The following CSMD1 variants were observed in gnomAD, a reference collection of about 807,000 sequenced individuals.
CSMD1 encodes CUB and Sushi multiple domains 1.
CSMD1 carries 213 observed loss-of-function variants against 417.5 expected under a neutral mutation model. The ratio of observed to expected loss-of-function variants is 0.51; its 90% CI spans 0.46 to 0.57. The LOEUF is 0.57. CSMD1 is among the 20% of genes least tolerant of loss of function. The pLI, the probability that CSMD1 is intolerant of heterozygous loss-of-function variation, is 0.00. For synonymous variants in CSMD1, 2,862 were observed against 1,736.8 expected (o/e 1.65, Z -16.11); for missense variants, 6,923 against 4,529.7 (o/e 1.53, Z -15.17).
chr8:3,310,507 A>G (rs58202270), intron 23 of CSMD1, among the ~76,000 whole-genome samples: 2,828 of 152,280 alleles, frequency 0.019, 89 homozygotes, highest in African/African-American at 0.064. Context: ...ATAACAAACA[A>G]TCTTCCAAAA....
intron 3 of CSMD1, among the ~76,000 whole-genome samples, chr8:4,134,337 G>T (rs1362138807): frequency 2.6e-5 from 4 of 152,078 alleles, no homozygotes; most frequent in Non-Finnish European, 4.4e-5. Context: ...CTTTAAGGTG[G>T]GTCCTCATCC....
At chr8:3,845,095 T>G (rs953066773) in intron 5 of CSMD1, among the ~76,000 whole-genome samples, 1 of 152,222 alleles carries the variant, frequency 6.6e-6, no homozygotes, top group Non-Finnish European at 1.5e-5. Context: ...ATACATATAT[T>G]TAGAAGCAAG....
At chr8:3,814,486 G>A (rs1170682888) in intron 5 of CSMD1, among the ~76,000 whole-genome samples, 1 of 152,170 alleles carries the variant, frequency 6.6e-6, no homozygotes, top group Non-Finnish European at 1.5e-5. Context: ...GCTTTCAACT[G>A]TGGCCGAATT....
intron 2 of CSMD1, among the ~76,000 whole-genome samples, chr8:4,457,451 G>C (rs765861263): frequency 6.6e-6 from 1 of 152,024 alleles, no homozygotes; most frequent in East Asian, 1.9e-4. Flanking sequence ...ATAATGCATT[G>C]AAAAGTCTTG....
chr8:4,827,214 C>T (rs887044907), intron 1 of CSMD1, among the ~76,000 whole-genome samples: 1 of 152,050 alleles, frequency 6.6e-6, no homozygotes, highest in Non-Finnish European at 1.5e-5. Flanking sequence ...AATGTATCTG[C>T]TTTTATTATT....
chr8:4,122,124 G>C (rs955710234), intron 3 of CSMD1, among the ~76,000 whole-genome samples: 1 of 151,942 alleles, frequency 6.6e-6, no homozygotes, highest in Non-Finnish European at 1.5e-5. Context: ...GGATATCAGA[G>C]ATACTTACTA....
rs562087852 is a variant in CSMD1, at chr8:3,155,133, A to T, written c.5914+2764T>A. On this transcript the variant is annotated intron_variant, in intron 39 of 69. Coordinates refer to ENST00000635120, the MANE Select transcript of CSMD1 (RefSeq NM_033225.6). Reference sequence around the variant, plus strand: ...TATAAGTTAATTCTTTGAATAAAACATCCCATTATGTAATACAAAGTGACA... The same window carrying T: ...TATAAGTTAATTCTTTGAATAAAACTTCCCATTATGTAATACAAAGTGACA... 2.0e-5 allele frequency among the ~76,000 whole-genome samples: 3 copies of T among 152,208 alleles called. No homozygotes were observed. The South Asian group carries it at 6.2e-4, about 32-fold the overall frequency.
chr8:4,118,138 T>C (rs1033659468), intron 3 of CSMD1, among the ~76,000 whole-genome samples: 14 of 152,096 alleles, frequency 9.2e-5, no homozygotes, highest in Admixed American at 2.0e-4. Flanking sequence ...GAAACGGCCC[T>C]TGGCAGACTC....
chr8:3,583,859 G>A (rs1367711633), intron 9 of CSMD1, among the ~76,000 whole-genome samples: 1 of 151,616 alleles, frequency 6.6e-6, no homozygotes, highest in Admixed American at 6.6e-5. Context: ...GAAATTGAGG[G>A]TTTCTTATCC....
chr8:4,756,961 C>T (rs896110634), intron 1 of CSMD1, among the ~76,000 whole-genome samples: 2 of 152,200 alleles, frequency 1.3e-5, no homozygotes, highest in African/African-American at 4.8e-5. Context: ...TGTTCAAACA[C>T]ATAAGCTGGT....
intron 5 of CSMD1, among the ~76,000 whole-genome samples, chr8:3,849,846 C>G (rs191955727): frequency 6.7e-6 from 1 of 149,300 alleles, no homozygotes. Context: ...GATGGAGTCT[C>G]GCTCTGTCGC....
At chr8:4,725,821 T>A (rs960554678) in intron 1 of CSMD1, among the ~76,000 whole-genome samples, 2 of 152,172 alleles carry the variant, frequency 1.3e-5, no homozygotes, top group Admixed American at 6.5e-5. Flanking sequence ...GAACTGAGTG[T>A]AATGTTCACG....
intron 5 of CSMD1, among the ~76,000 whole-genome samples, chr8:3,809,030 G>A (rs1563101836): frequency 6.6e-6 from 1 of 152,140 alleles, no homozygotes; most frequent in Admixed American, 6.5e-5. Flanking sequence ...TGGAAGGCAT[G>A]AAGAGATACA....
At chr8:3,371,742 C>T (rs17065985) in intron 18 of CSMD1, among the ~76,000 whole-genome samples, 5,615 of 152,152 alleles carry the variant, frequency 0.037, 339 homozygotes, top group African/African-American at 0.13. Flanking sequence ...TCCTTTAATA[C>T]GTAAACCTCA....
At chr8:3,420,831 G>A (rs1455988804) in intron 12 of CSMD1, among the ~76,000 whole-genome samples, 2 of 152,036 alleles carry the variant, frequency 1.3e-5, no homozygotes, top group Non-Finnish European at 2.9e-5. Context: ...CATAAAGATG[G>A]TACTTGTTCA....
chr8:4,851,437 A>G (rs1801475416), intron 1 of CSMD1, among the ~76,000 whole-genome samples: 1 of 151,450 alleles, frequency 6.6e-6, no homozygotes, highest in Non-Finnish European at 1.5e-5. Flanking sequence ...TCAATTTCTT[A>G]AATTCTTCCC....
chr8:4,363,472 A>AC (rs1331174884), intron 3 of CSMD1, among the ~76,000 whole-genome samples: 5 of 151,126 alleles, frequency 3.3e-5, no homozygotes, highest in Non-Finnish European at 5.9e-5. Context: ...CTTCCCCACC[A>AC]CCCCCTCTCT....
At chr8:4,412,201 A>C (rs1447389684) in intron 3 of CSMD1, among the ~76,000 whole-genome samples, 11 of 152,084 alleles carry the variant, frequency 7.2e-5, no homozygotes, top group Admixed American at 6.6e-5. Context: ...CCTCATGTTA[A>C]ATTGTAACCC....
At chr8:4,703,949 C>T (rs1242564837) in intron 1 of CSMD1, among the ~76,000 whole-genome samples, 1 of 152,236 alleles carries the variant, frequency 6.6e-6, no homozygotes, top group Middle Eastern at 3.4e-3. Context: ...TAGCACACAA[C>T]CTAGATCCCT....
Sources: allele counts gnomAD v4.1 joint callset (sites outside exome capture counted in the v4.1 genomes callset), GRCh38; gene constraint gnomAD v4.1.1; transcripts MANE v1.5; gene names NCBI Gene and HGNC (gene_info 2026-07-23, HGNC 2026-07-21).